Variants in UTRN observed in about 807,000 individuals in gnomAD.
UTRN encodes the protein dystrophin-related protein 1.
A neutral mutation model predicts 463.9 loss-of-function variants in UTRN; 283 were observed. That is an observed-to-expected ratio of 0.61 (90% CI 0.55 to 0.67). The LOEUF (loss-of-function observed/expected upper bound fraction) is 0.67, where lower values mean the gene tolerates loss of function less well. Among genes scored for constraint, UTRN ranks in the 30% least tolerant of loss-of-function variants. UTRN has a pLI of 0.00. For missense variants in UTRN, 3,922 were observed against 4,084.3 expected (o/e 0.96, Z 1.08); for synonymous variants, 1,442 against 1,431.5 (o/e 1.01, Z -0.17).
At chr6:144,747,267 C>G (rs980029420) in intron 54 of UTRN, among the ~76,000 whole-genome samples, 3 of 152,216 alleles carry the variant, frequency 2.0e-5, no homozygotes, top group African/African-American at 7.2e-5. Context: ...TGCACTGCCT[C>G]TTTATTTGCA....
intron 53 of UTRN, among the ~76,000 whole-genome samples, chr6:144,711,638 GTAAA>G (rs1785722789): frequency 6.6e-6 from 1 of 152,192 alleles, no homozygotes; most frequent in Non-Finnish European, 1.5e-5. Context: ...TCATAACAAT[GTAAA>G]TATTAAGTTA....
intron 60 of UTRN, among the ~76,000 whole-genome samples, chr6:144,775,389 G>T (rs559467876): frequency 2.8e-4 from 42 of 152,316 alleles, no homozygotes; most frequent in Admixed American, 1.5e-3. Flanking sequence ...GACACCTCCA[G>T]ATGAGGCAAT....
chr6:144,484,432 C>CTTTTTTTTTTTTTTT lies in UTRN; in HGVS notation c.3688-940_3688-926dup, dbSNP rs765122659. On this transcript the variant is annotated intron_variant, in intron 27 of 74. Transcript: ENST00000367545. ...TTTTTCATTTTGTTCAAAAACCAAA[C>CTTTTTTTTTTTTTTT]TTTTTTTTTTTTTTTTTTTTTTTTT... Among the ~76,000 whole-genome samples the CTTTTTTTTTTTTTTT allele has an allele frequency of 3.0e-5, 2 of 66,254 alleles. 1 individual carries two copies. The highest frequency in any genetic ancestry group is 7.6e-4 in the East Asian group (2 of 2,620). The allele number at this position is 66,254 out of a possible 152,430, so 43.5% of individuals were successfully genotyped here. A position where few individuals can be genotyped will look rare whatever the true frequency, so the allele number is the denominator to read the frequency against.
At position 144,404,028 on chromosome 6, in the gene UTRN, G is replaced by T. The variant is rs140839060; in HGVS notation, c.141+844G>T. On this transcript the variant is annotated intron_variant, in intron 3 of 74. Transcript: ENST00000367545. ...TGGTTGCTTTTCAAAAGTTGTAAAG[G>T]TCAGAGAGACAAACATTGGTATTTC... Among the ~76,000 whole-genome samples the T allele has an allele frequency of 7.7e-3, 1,167 of 152,266 alleles. 2 individuals are homozygous for T. Among genetic ancestry groups the T allele is most frequent in the Non-Finnish European group, 0.012 (804 of 68,010 alleles).
At chr6:144,567,869 A>C (rs1366843339) in intron 50 of UTRN, among the ~76,000 whole-genome samples, 1 of 152,190 alleles carries the variant, frequency 6.6e-6, no homozygotes, top group Non-Finnish European at 1.5e-5. Flanking sequence ...ATATCTATTC[A>C]TGTTCAAATA....
In UTRN at chr6:144,529,939, C is replaced by T. The variant is rs539667549; in HGVS notation, c.5907-1113C>T. On this transcript the variant is annotated intron_variant, in intron 41 of 74. Transcript: ENST00000367545. The stretch of plus-strand genomic sequence containing the variant: ...TCCTTTTTATGCTTATTTCATGTAT[C>T]CTGAATATAACAAGCACTGGGTTTT... Among the ~76,000 whole-genome samples, 44 of 152,188 alleles carry T rather than the reference C, an allele frequency of 2.9e-4. 2 individuals are homozygous for T. In the South Asian group the frequency reaches 8.9e-3, roughly 31 times the overall value.
At position 144,788,650 on chromosome 6, in the gene UTRN, C is replaced by T. The variant is rs147495855; in HGVS notation, c.8835-544C>T. Among the ~76,000 whole-genome samples the T allele has an allele frequency of 1.8e-3, 280 of 151,558 alleles. 3 individuals are homozygous for T. The highest frequency in any genetic ancestry group is 0.014 in the Admixed American group (208 of 15,232). On this transcript the variant is annotated intron_variant, in intron 61 of 74. Transcript: ENST00000367545. ...CACGATCTCGGCTCACTGCAATCTC[C>T]GCCTCGCAAGTTCAAGTGATTCTCC... is the stretch of plus-strand genomic sequence containing the variant.
chr6:144,497,513 C>CAAAA (rs527551923), intron 33 of UTRN, among the ~76,000 whole-genome samples: 101 of 110,680 alleles, frequency 9.1e-4, no homozygotes, highest in South Asian at 6.8e-3. Context: ...CGTCTCTACT[C>CAAAA]AAAAAAAAAA....
intron 51 of UTRN, among the ~76,000 whole-genome samples, chr6:144,644,216 C>T (rs552099137): frequency 6.7e-4 from 102 of 152,230 alleles, no homozygotes; most frequent in African/African-American, 2.4e-3. Flanking sequence ...CCTCTTATGC[C>T]ATTTTAAATT....
intron 2 of UTRN, among the ~76,000 whole-genome samples, chr6:144,402,450 G>A (rs1783012004): frequency 6.6e-6 from 1 of 152,158 alleles, no homozygotes; most frequent in African/African-American, 2.4e-5. Flanking sequence ...AAAGTTCAGG[G>A]TGGTCAGTCT....
intron 51 of UTRN, among the ~76,000 whole-genome samples, chr6:144,633,406 T>A (rs1301506846): frequency 6.6e-6 from 1 of 151,676 alleles, no homozygotes; most frequent in Non-Finnish European, 1.5e-5. Flanking sequence ...ATATTTTGTA[T>A]TTTTTTTAGT....
chr6:144,695,501 G>A (rs1159786378), intron 52 of UTRN, among the ~76,000 whole-genome samples: 2 of 151,970 alleles, frequency 1.3e-5, no homozygotes, highest in Non-Finnish European at 1.5e-5. Flanking sequence ...CCGCCATTAC[G>A]CCCAGCTAAT....
intron 39 of UTRN, among the ~76,000 whole-genome samples, chr6:144,521,618 A>T (rs1796097892): frequency 6.6e-6 from 1 of 152,156 alleles, no homozygotes; most frequent in Non-Finnish European, 1.5e-5. Context: ...ATGTATCAAA[A>T]TGTTTTATTT....
At chr6:144,681,958 C>T (rs1167885129) in intron 52 of UTRN, among the ~76,000 whole-genome samples, 3 of 152,120 alleles carry the variant, frequency 2.0e-5, no homozygotes, top group African/African-American at 4.8e-5. Context: ...TATCTATCCC[C>T]TCAAGCATTT....
At chr6:144,584,454 G>A (rs1323569714) in intron 51 of UTRN, among the ~76,000 whole-genome samples, 2 of 152,068 alleles carry the variant, frequency 1.3e-5, no homozygotes, top group Non-Finnish European at 2.9e-5. Context: ...TCTCAAGAAT[G>A]TATCTTGTTG....
chr6:144,523,313 A>G, intron 41 of UTRN, 125 bp downstream of exon 41: 3 of 781,650 alleles, frequency 3.8e-6, no homozygotes, highest in Non-Finnish European at 5.4e-6. Context: ...ATGCCCTATT[A>G]TTTTTTTTTC....
chr6:144,491,864 C>T (rs1207379036), intron 32 of UTRN, among the ~76,000 whole-genome samples: 1 of 152,158 alleles, frequency 6.6e-6, no homozygotes, highest in Admixed American at 6.6e-5. Flanking sequence ...TGTTACATGA[C>T]AGCGTCCTAT....
Position 144,482,271 on chromosome 6 carries a change from G to C in UTRN, c.3570G>C (p.Lys1190Asn). Reference sequence around the variant, plus strand: ...TGAAGATTCTCAAGGACAACATCAAGTTATTAGCTGCCAAGGTGCCCTCTG... The same window carrying C: ...TGAAGATTCTCAAGGACAACATCAACTTATTAGCTGCCAAGGTGCCCTCTG... ...VRVKILKDNI[K>N]LLAAKVPSGG... is the part of the protein sequence containing the mutation. Residue 1190 changes from lysine to asparagine, a missense_variant, in exon 27 of 75, where the codon AAG (lysine) becomes AAC (asparagine). Transcript: ENST00000367545. 1 of 1,609,342 alleles carries C rather than the reference G, an allele frequency of 6.2e-7. No individual in the cohort carries two copies. Among genetic ancestry groups the C allele is most frequent in the Non-Finnish European group, 8.5e-7 (1 of 1,178,710 alleles).
chr6:144,360,078 T>G, intron 2 of UTRN, among the ~76,000 whole-genome samples: 1 of 93,188 alleles, frequency 1.1e-5, no homozygotes, highest in Non-Finnish European at 1.8e-5. Flanking sequence ...TTCCCTTCCC[T>G]TCCCTTCCCT....
Sources: allele counts gnomAD v4.1 joint callset (sites outside exome capture counted in the v4.1 genomes callset), GRCh38; gene constraint gnomAD v4.1.1; transcripts MANE v1.5; gene names NCBI Gene and HGNC (gene_info 2026-07-23, HGNC 2026-07-21).